USP26: variants seen among roughly 807,000 people sequenced by gnomAD.
USP26 encodes ubiquitin carboxyl-terminal hydrolase 26.
For missense variants in USP26, 649 were observed against 642.3 expected (o/e 1.01, Z -0.11); for synonymous variants, 236 against 240.6 (o/e 0.98, Z 0.18).
chrX:133,024,590 C>T lies in USP26; in HGVS notation c.*889G>A, dbSNP rs756362955. On this transcript the variant is annotated 3_prime_UTR_variant, in exon 6 of 6. Coordinates refer to ENST00000511190, the MANE Select transcript of USP26 (RefSeq NM_031907.3). ...TCATTTTTTATTGCCAGGATCCCAG[C>T]AACTATTTTTTTCCACCAAATTGCA... 8.9e-5 allele frequency: 10 copies of T among 112,241 alleles called. No individual in the cohort carries two copies. Among genetic ancestry groups the T allele is most frequent in the Non-Finnish European group, 1.7e-4 (9 of 53,314 alleles). The allele number at this position is 112,241 out of a possible 1,213,427, so 9.2% of individuals were successfully genotyped here. A position where few individuals can be genotyped will look rare whatever the true frequency, so the allele number is the denominator to read the frequency against.
At chrX:133,034,398 AT>A (rs1350749673) in intron 5 of USP26, among the ~76,000 whole-genome samples, 1 of 111,600 alleles carries the variant, frequency 9.0e-6, no homozygotes, top group Non-Finnish European at 1.9e-5. Flanking sequence ...TTATGGGAAC[AT>A]CAAGCTGACT....
At chrX:133,038,610 ACTGT>A (rs1175061222) in intron 5 of USP26, among the ~76,000 whole-genome samples, 1 of 112,073 alleles carries the variant, frequency 8.9e-6, no homozygotes, top group African/African-American at 3.2e-5. Context: ...CATCAGTGAT[ACTGT>A]CCTGAAATTT....
At chrX:133,054,314 T>C (rs917912606) in intron 5 of USP26, among the ~76,000 whole-genome samples, 8 of 111,182 alleles carry the variant, frequency 7.2e-5, no homozygotes, top group African/African-American at 2.6e-4. Context: ...TTTACCTTCC[T>C]CTTTTCCACT....
At chrX:133,065,894 G>T (rs922556084) in intron 5 of USP26, among the ~76,000 whole-genome samples, 1 of 111,815 alleles carries the variant, frequency 8.9e-6, no homozygotes, top group Non-Finnish European at 1.9e-5. Context: ...GCAAGAGAAA[G>T]AAATAAAGGG....
intron 5 of USP26, among the ~76,000 whole-genome samples, chrX:133,033,773 T>C (rs2067386487): frequency 8.9e-6 from 1 of 112,409 alleles, no homozygotes; most frequent in Admixed American, 9.4e-5. Context: ...AATATGTTGA[T>C]ACCTAGTCAA....
intron 5 of USP26, among the ~76,000 whole-genome samples, chrX:133,070,058 G>A (rs1262865154): frequency 9.0e-6 from 1 of 111,613 alleles, no homozygotes; most frequent in Non-Finnish European, 1.9e-5. Flanking sequence ...GGAAAGATGA[G>A]GGTAGGGCAC....
chrX:133,047,569 C>T (rs1287788430), intron 5 of USP26, among the ~76,000 whole-genome samples: 2 of 112,092 alleles, frequency 1.8e-5, no homozygotes, highest in Non-Finnish European at 3.8e-5. Context: ...ATTCCAGCAA[C>T]TCTTCAATAG....
At chrX:133,052,618 A>G (rs2067463118) in intron 5 of USP26, among the ~76,000 whole-genome samples, 1 of 112,252 alleles carries the variant, frequency 8.9e-6, no homozygotes, top group Non-Finnish European at 1.9e-5. Context: ...TGTGTTTGTG[A>G]TTCCAGCCAG....
At chrX:133,071,133 C>G (rs982711085) in intron 5 of USP26, among the ~76,000 whole-genome samples, 4 of 110,952 alleles carry the variant, frequency 3.6e-5, no homozygotes, top group Non-Finnish European at 7.5e-5. Flanking sequence ...AGGAGAATTG[C>G]TTGAACCCAG....
At chrX:133,094,074 A>T (rs2067618610) in intron 1 of USP26, among the ~76,000 whole-genome samples, 1 of 110,156 alleles carries the variant, frequency 9.1e-6, no homozygotes, top group African/African-American at 3.3e-5. Flanking sequence ...CTTACACTTT[A>T]TCCTCAAAGC....
chrX:133,055,627 C>T (rs757700856), intron 5 of USP26, among the ~76,000 whole-genome samples: 2 of 111,877 alleles, frequency 1.8e-5, no homozygotes, highest in African/African-American at 6.5e-5. Context: ...ATAGTCAGCT[C>T]AGGTTGCCAT....
chrX:133,048,398 ATTGT>A (rs2067447331), intron 5 of USP26, among the ~76,000 whole-genome samples: 1 of 111,381 alleles, frequency 9.0e-6, no homozygotes, highest in African/African-American at 3.3e-5. Context: ...TTTGGCTTTG[ATTGT>A]TTGTATATCC....
chrX:133,031,844 A>G (rs1487769232), intron 5 of USP26, among the ~76,000 whole-genome samples: 1 of 111,979 alleles, frequency 8.9e-6, no homozygotes, highest in Non-Finnish European at 1.9e-5. Flanking sequence ...GGCAACTGCT[A>G]AAGAAAACAA....
chrX:133,089,384 C>G (rs2067600050), intron 4 of USP26, among the ~76,000 whole-genome samples: 1 of 111,868 alleles, frequency 8.9e-6, no homozygotes, highest in African/African-American at 3.2e-5. Flanking sequence ...ATTTCTAGGA[C>G]TGCTAGTTAA....
At chrX:133,082,196 T>C (rs951766986) in intron 5 of USP26, among the ~76,000 whole-genome samples, 8 of 111,951 alleles carry the variant, frequency 7.1e-5, no homozygotes, top group Middle Eastern at 4.2e-3. Context: ...GTTTGCTTTA[T>C]TGTCATCCTC....
At chrX:133,050,289 G>A (rs1285238678) in intron 5 of USP26, among the ~76,000 whole-genome samples, 1 of 112,088 alleles carries the variant, frequency 8.9e-6, no homozygotes, top group Non-Finnish European at 1.9e-5. Context: ...TTTCTGAAGG[G>A]TGAGCAACAC....
At chrX:133,051,975 A>T (rs1304809159) in intron 5 of USP26, among the ~76,000 whole-genome samples, 1 of 112,087 alleles carries the variant, frequency 8.9e-6, no homozygotes, top group East Asian at 2.8e-4. Flanking sequence ...TTCCTAACTG[A>T]TGTTCTGTTT....
intron 1 of USP26, among the ~76,000 whole-genome samples, chrX:133,095,093 CAAA>C (rs35394795): frequency 1.2e-4 from 6 of 51,236 alleles, no homozygotes; most frequent in Middle Eastern, 0.011. Flanking sequence ...AGACTCTTGT[CAAA>C]AAAAAAAAAA....
chrX:133,031,634 T>C, intron 5 of USP26, among the ~76,000 whole-genome samples: 1 of 111,505 alleles, frequency 9.0e-6, no homozygotes, highest in Non-Finnish European at 1.9e-5. Context: ...CAATTGGGAA[T>C]AGAAGATATT....
Sources: allele counts gnomAD v4.1 joint callset (sites outside exome capture counted in the v4.1 genomes callset), GRCh38; gene constraint gnomAD v4.1.1; transcripts MANE v1.5; gene names NCBI Gene and HGNC (gene_info 2026-07-23, HGNC 2026-07-21).